Variants in ZMAT4 observed in about 807,000 individuals in gnomAD.
ZMAT4 encodes zinc finger matrin-type protein 4.
Under a neutral mutation model 28.7 loss-of-function variants are expected in ZMAT4, and 17 were observed. The observed-to-expected ratio is 0.59, with a 90% CI of 0.41 to 0.89. The LOEUF (loss-of-function observed/expected upper bound fraction) is 0.89, where lower values mean the gene tolerates loss of function less well. Ranked by LOEUF, ZMAT4 falls within the 40% of genes least tolerant of loss-of-function variation. The pLI is 0.00. For missense variants in ZMAT4, 240 were observed against 283.8 expected, an observed-to-expected ratio of 0.85 and a Z score of 1.11; for synonymous variants, 117 against 109.2, an observed-to-expected ratio of 1.07 and a Z score of -0.44.
intron 1 of ZMAT4, among the ~76,000 whole-genome samples, chr8:40,854,643 G>A (rs1468677429): frequency 6.6e-6 from 1 of 152,128 alleles, no homozygotes; most frequent in African/African-American, 2.4e-5. Context: ...ATGGTCCCCT[G>A]ACCTAAGAGG....
intron 2 of ZMAT4, among the ~76,000 whole-genome samples, chr8:40,794,343 C>T (rs186082842): frequency 4.6e-5 from 7 of 152,306 alleles, no homozygotes; most frequent in African/African-American, 1.7e-4. Flanking sequence ...CATGGAGTTA[C>T]CCAACACACC....
At chr8:40,889,868 A>G (rs1818605691) in intron 1 of ZMAT4, among the ~76,000 whole-genome samples, 1 of 152,234 alleles carries the variant, frequency 6.6e-6, no homozygotes, top group Admixed American at 6.5e-5. Flanking sequence ...AAATTCCTAG[A>G]AGAGGAATTG....
At chr8:40,724,622 G>T (rs1811247068) in intron 3 of ZMAT4, among the ~76,000 whole-genome samples, 1 of 152,266 alleles carries the variant, frequency 6.6e-6, no homozygotes, top group South Asian at 2.1e-4. Context: ...ACATCACTGG[G>T]TCAGTCAACC....
intron 6 of ZMAT4, among the ~76,000 whole-genome samples, chr8:40,537,449 A>G (rs1802881955): frequency 6.6e-6 from 1 of 152,210 alleles, no homozygotes; most frequent in African/African-American, 2.4e-5. Flanking sequence ...AAAGTATAGC[A>G]CTTTTAAAAT....
chr8:40,760,721 T>TCTCTCTCTCTCTCTCTCTGTCATG (rs1339009173), intron 3 of ZMAT4, among the ~76,000 whole-genome samples: 2 of 151,328 alleles, frequency 1.3e-5, no homozygotes, highest in Non-Finnish European at 2.9e-5. Context: ...TCTCTCTCTC[T>TCTCTCTCTCTCTCTCTCTGTCATG]CTCTCTCTCT....
Position 40,677,772 on chromosome 8 carries a change from A to G in ZMAT4, c.350-2841T>C, listed in dbSNP as rs191779540. On this transcript the variant is annotated intron_variant, in intron 4 of 6. Coordinates refer to ENST00000297737, the MANE Select transcript of ZMAT4 (RefSeq NM_024645.3). ...AAAGATTATCTTTTGGTTTAAAAAC[A>G]TGCTTTAAAAAACACTTTAGTTGAC... Among the ~76,000 whole-genome samples the G allele has an allele frequency of 1.9e-3, 286 of 152,360 alleles. 3 individuals carry two copies. Among genetic ancestry groups the G allele is most frequent in the Admixed American group, 4.5e-3 (69 of 15,298 alleles).
intron 1 of ZMAT4, among the ~76,000 whole-genome samples, chr8:40,828,085 C>T (rs186847844): frequency 2.1e-4 from 32 of 152,228 alleles, no homozygotes; most frequent in Non-Finnish European, 3.8e-4. Flanking sequence ...GCGGGCACTC[C>T]GGAGATGGTC....
At chr8:40,619,531 A>T (rs1350807093) in intron 5 of ZMAT4, among the ~76,000 whole-genome samples, 4 of 152,122 alleles carry the variant, frequency 2.6e-5, no homozygotes, top group Non-Finnish European at 5.9e-5. Flanking sequence ...AAATGCAGGA[A>T]AGGGCTCTGC....
intron 5 of ZMAT4, among the ~76,000 whole-genome samples, chr8:40,617,183 A>G (rs1806039269): frequency 6.6e-6 from 1 of 152,194 alleles, no homozygotes; most frequent in South Asian, 2.1e-4. Flanking sequence ...GTTAACAAAA[A>G]GTGTAAAAAT....
chr8:40,738,696 G>A (rs1033891792), intron 3 of ZMAT4, among the ~76,000 whole-genome samples: 1 of 152,180 alleles, frequency 6.6e-6, no homozygotes, highest in Non-Finnish European at 1.5e-5. Flanking sequence ...CAGTTACTGA[G>A]AGGAGGTGGA....
intron 5 of ZMAT4, among the ~76,000 whole-genome samples, chr8:40,660,100 C>G (rs1808119199): frequency 6.6e-6 from 1 of 152,104 alleles, no homozygotes; most frequent in African/African-American, 2.4e-5. Context: ...TATTATTTGT[C>G]ATACTTTGTA....
intron 3 of ZMAT4, among the ~76,000 whole-genome samples, chr8:40,763,623 AT>A (rs1401299908): frequency 4.6e-5 from 7 of 152,278 alleles, no homozygotes; most frequent in Non-Finnish European, 8.8e-5. Flanking sequence ...TAGGAATAGC[AT>A]TTAGGGAAGC....
chr8:40,737,650 G>A (rs967042850), intron 3 of ZMAT4, among the ~76,000 whole-genome samples: 1 of 152,170 alleles, frequency 6.6e-6, no homozygotes, highest in African/African-American at 2.4e-5. Flanking sequence ...TGAGCGGGAC[G>A]TAAATGAGAT....
chr8:40,674,880 A>T lies in ZMAT4; in HGVS notation c.401T>A (p.Val134Asp), dbSNP rs1808844270. The change falls in exon 5 of 7, where the codon GTC becomes GAC. Residue 134 changes from valine (V) to aspartate (D), a missense_variant. Val to Asp is a radical substitution (Grantham distance 152). Coordinates refer to ENST00000297737, the MANE Select transcript of ZMAT4 (RefSeq NM_024645.3). ...KPPRMDTAPV[V>D]ASPYQRRDSD... The stretch of plus-strand genomic sequence containing the variant: ...ATCTCTTCTTTGATAGGGAGATGCG[A>T]CCACCGGAGCAGTGTCCATCCGTGG... The T allele has an allele frequency of 6.2e-7, 1 of 1,613,402 alleles. No homozygotes were observed. The highest frequency in any genetic ancestry group is 2.2e-5 in the East Asian group (1 of 44,856).
intron 4 of ZMAT4, among the ~76,000 whole-genome samples, chr8:40,692,859 G>A (rs928914141): frequency 6.6e-6 from 1 of 152,072 alleles, no homozygotes; most frequent in African/African-American, 2.4e-5. Context: ...TTTTGAATGA[G>A]ATCTTGCTGA....
rs1349124754 is a variant in ZMAT4, at chr8:40,785,061, G to A, written c.103-17331C>T. ...CAGGATATGTTTTCCTCGCACCCAA[G>A]ATCACGCATTGCATATTGATGCTTC... On this transcript the variant is annotated intron_variant, in intron 2 of 6. Coordinates refer to ENST00000297737, the MANE Select transcript of ZMAT4 (RefSeq NM_024645.3). Among the ~76,000 whole-genome samples, 4 of 152,204 alleles carry A rather than the reference G, an allele frequency of 2.6e-5. No individual in the cohort carries two copies. In the East Asian group the frequency reaches 7.7e-4, roughly 29 times the overall value.
intron 3 of ZMAT4, among the ~76,000 whole-genome samples, chr8:40,706,128 C>T (rs1810338921): frequency 6.6e-6 from 1 of 152,150 alleles, no homozygotes; most frequent in Admixed American, 6.5e-5. Context: ...TCTCAGCTCA[C>T]TGCGAACTCA....
At chr8:40,678,254 G>T (rs1415708769) in intron 4 of ZMAT4, among the ~76,000 whole-genome samples, 2 of 152,142 alleles carry the variant, frequency 1.3e-5, no homozygotes, top group Non-Finnish European at 2.9e-5. Flanking sequence ...GAGACAGAAA[G>T]AAATAATTAC....
chr8:40,597,852 G>A lies in ZMAT4; in HGVS notation c.578-16591C>T, dbSNP rs145810718. On this transcript the variant is annotated intron_variant, in intron 5 of 6. Transcript: ENST00000297737. ...TTAATCTTTAGAGAAGTATCCAAATGATTCTTTTTCTTTAACCTGGATGGA... is the reference window on the plus strand; with the variant it reads ...TTAATCTTTAGAGAAGTATCCAAATAATTCTTTTTCTTTAACCTGGATGGA... 2.4e-4 allele frequency among the ~76,000 whole-genome samples: 36 copies of A among 152,266 alleles called. No individual in the cohort carries two copies. The East Asian group carries it at 6.6e-3, about 28-fold the overall frequency.
Sources: allele counts gnomAD v4.1 joint callset (sites outside exome capture counted in the v4.1 genomes callset), GRCh38; gene constraint gnomAD v4.1.1; transcripts MANE v1.5; gene names NCBI Gene and HGNC (gene_info 2026-07-23, HGNC 2026-07-21).